Variants in MAPK4 observed in about 807,000 individuals in gnomAD.
MAPK4 encodes the protein Erk3-related.
A neutral mutation model predicts 47.7 loss-of-function variants in MAPK4; 22 were observed. That is an observed-to-expected ratio of 0.46 (90% CI 0.33 to 0.66). The LOEUF (loss-of-function observed/expected upper bound fraction) is 0.66, where lower values mean the gene tolerates loss of function less well. MAPK4 is among the 30% of genes least tolerant of loss of function. The pLI, the probability that MAPK4 is intolerant of heterozygous loss-of-function variation, is 0.02. For synonymous variants in MAPK4, 390 were observed against 365.7 expected (o/e 1.07, Z -0.76); for missense variants, 736 against 831.7 (o/e 0.88, Z 1.42).
intron 2 of MAPK4, among the ~76,000 whole-genome samples, chr18:50,670,907 G>C (rs1184064139): frequency 6.6e-6 from 1 of 152,190 alleles, no homozygotes; most frequent in Non-Finnish European, 1.5e-5. Context: ...CCAGCAATCT[G>C]TGTTTTCACA....
intron 4 of MAPK4, among the ~76,000 whole-genome samples, chr18:50,724,439 C>A (rs148238146): frequency 1.3e-4 from 20 of 152,294 alleles, no homozygotes; most frequent in Middle Eastern, 3.4e-3. Flanking sequence ...CAAGTCATGG[C>A]TGGGGCCAAA....
intron 2 of MAPK4, among the ~76,000 whole-genome samples, chr18:50,693,519 A>G (rs1323754097): frequency 6.6e-6 from 1 of 152,152 alleles, no homozygotes; most frequent in Non-Finnish European, 1.5e-5. Flanking sequence ...CTCTTTAGAG[A>G]GGTTTCTTCC....
rs550697729 is a variant in MAPK4 at position 50,728,118 on chromosome 18, G to C, written c.1068-1040G>C. Among the ~76,000 whole-genome samples, 9 of 152,312 alleles carry C rather than the reference G, an allele frequency of 5.9e-5. No individual in the cohort carries two copies. In the South Asian group the frequency reaches 1.9e-3, roughly 32 times the overall value. Reference sequence around the variant, plus strand: ...GCTGCCAGGTCTATCCCACACAGCCGAATCTGCCTCTCCTTGGTCTATCTG... The same window carrying C: ...GCTGCCAGGTCTATCCCACACAGCCCAATCTGCCTCTCCTTGGTCTATCTG... On this transcript the variant is annotated intron_variant, in intron 5 of 5. Transcript: ENST00000400384.
chr18:50,563,923 T>G (rs2042176348), intron 1 of MAPK4, among the ~76,000 whole-genome samples: 1 of 152,162 alleles, frequency 6.6e-6, no homozygotes, highest in African/African-American at 2.4e-5. Context: ...TCTTTGCACT[T>G]TAAGCCTCAT....
At chr18:50,603,708 G>C (rs2042560206) in intron 1 of MAPK4, among the ~76,000 whole-genome samples, 3 of 152,092 alleles carry the variant, frequency 2.0e-5, no homozygotes, top group South Asian at 4.2e-4. Flanking sequence ...GTAAGCACTT[G>C]TTAAGTATTC....
intron 1 of MAPK4, among the ~76,000 whole-genome samples, chr18:50,596,710 G>T (rs1027630573): frequency 6.6e-6 from 1 of 152,198 alleles, no homozygotes; most frequent in South Asian, 2.1e-4. Context: ...GGGAAGCACT[G>T]CTTGGTAGCA....
intron 2 of MAPK4, among the ~76,000 whole-genome samples, chr18:50,695,421 G>A (rs761316916): frequency 1.3e-5 from 2 of 151,230 alleles, no homozygotes; most frequent in Admixed American, 6.6e-5. Flanking sequence ...AGTGTGAAGC[G>A]AGTGATACCG....
intron 2 of MAPK4, among the ~76,000 whole-genome samples, chr18:50,672,555 C>T (rs1010047449): frequency 6.6e-6 from 1 of 152,110 alleles, no homozygotes; most frequent in East Asian, 1.9e-4. Flanking sequence ...AGAAGAGGCT[C>T]TTCCCTCTGT....
chr18:50,693,058 C>G (rs1055765800), intron 2 of MAPK4, among the ~76,000 whole-genome samples: 5 of 152,058 alleles, frequency 3.3e-5, no homozygotes, highest in African/African-American at 4.8e-5. Flanking sequence ...GAGTTCGAAA[C>G]CAGCCTGGCC....
At chr18:50,578,085 C>T (rs2042313469) in intron 1 of MAPK4, among the ~76,000 whole-genome samples, 1 of 152,224 alleles carries the variant, frequency 6.6e-6, no homozygotes, top group Non-Finnish European at 1.5e-5. Context: ...GCACAGACTG[C>T]ATGTGTTGCC....
Position 50,707,569 on chromosome 18 carries a change from C to CAA in MAPK4, c.547-7488_547-7487dup, listed in dbSNP as rs11419022. On this transcript the variant is annotated intron_variant, in intron 2 of 5. Transcript: ENST00000400384. The stretch of plus-strand genomic sequence containing the variant: ...CTGGTGACAGAGTGAGCCTCTGTCT[C>CAA]AAAAAAAAAAAAAAAAAAAAAAAGT... Among the ~76,000 whole-genome samples the CAA allele has an allele frequency of 6.2e-3, 449 of 71,958 alleles. 1 individual carries two copies. The highest frequency in any genetic ancestry group is 8.3e-3 in the Non-Finnish European group (333 of 39,934). The allele number at this position is 71,958 out of a possible 152,430, so 47.2% of individuals were successfully genotyped here. A position where few individuals can be genotyped will look rare whatever the true frequency, so the allele number is the denominator to read the frequency against.
Position 50,663,763 on chromosome 18 carries a change from GCAC to G in MAPK4, c.-195_-193del. ...AGACGACAGCCTGCGCCCCCAACTA[GCAC>G]AGCTCAGCGAGCATGACCATATGCC... On this transcript the variant is annotated 5_prime_UTR_variant, in exon 2 of 6. Coordinates refer to ENST00000400384, the MANE Select transcript of MAPK4 (RefSeq NM_002747.4). 11 of 547,396 alleles carry G rather than the reference GCAC, an allele frequency of 2.0e-5. No individual in the cohort carries two copies. Among genetic ancestry groups the G allele is most frequent in the Admixed American group, 9.5e-5 (3 of 31,640 alleles). The allele number at this position is 547,396 out of a possible 1,614,324, so 33.9% of individuals were successfully genotyped here.
At chr18:50,560,468 G>C (rs934929581) in intron 1 of MAPK4, among the ~76,000 whole-genome samples, 1 of 152,136 alleles carries the variant, frequency 6.6e-6, no homozygotes, top group Non-Finnish European at 1.5e-5. Flanking sequence ...TGAGCTCCTC[G>C]CCTGCAGACC....
chr18:50,574,417 G>T (rs2042277283), intron 1 of MAPK4, among the ~76,000 whole-genome samples: 2 of 152,336 alleles, frequency 1.3e-5, no homozygotes, highest in South Asian at 4.1e-4. Context: ...TGAGTTGGAA[G>T]AAAATCATCG....
intron 1 of MAPK4, among the ~76,000 whole-genome samples, chr18:50,619,144 C>T (rs1401784261): frequency 1.3e-5 from 2 of 152,162 alleles, no homozygotes; most frequent in African/African-American, 4.8e-5. Context: ...CATGTGCCAA[C>T]CAGAGATTCC....
intron 1 of MAPK4, among the ~76,000 whole-genome samples, chr18:50,584,761 A>T (rs1344935867): frequency 6.6e-6 from 1 of 152,262 alleles, no homozygotes; most frequent in Non-Finnish European, 1.5e-5. Flanking sequence ...GAAGGAGTTC[A>T]TTTAATTCAG....
chr18:50,690,085 C>T (rs1472912449), intron 2 of MAPK4, among the ~76,000 whole-genome samples: 4 of 152,142 alleles, frequency 2.6e-5, no homozygotes, highest in African/African-American at 4.8e-5. Flanking sequence ...TTCCCTCTCA[C>T]CTGAGCTAGA....
intron 2 of MAPK4, among the ~76,000 whole-genome samples, chr18:50,701,219 A>G (rs1598929207): frequency 9.3e-6 from 1 of 108,062 alleles, no homozygotes; most frequent in South Asian, 2.7e-4. Flanking sequence ...TCTTTTGCCC[A>G]GCTTACTCTG....
intron 1 of MAPK4, among the ~76,000 whole-genome samples, chr18:50,614,762 T>A (rs988257870): frequency 6.6e-6 from 1 of 152,368 alleles, no homozygotes; most frequent in East Asian, 1.9e-4. Context: ...AACTTTCATA[T>A]GTAACTCTTG....
Sources: allele counts gnomAD v4.1 joint callset (sites outside exome capture counted in the v4.1 genomes callset), GRCh38; gene constraint gnomAD v4.1.1; transcripts MANE v1.5; gene names NCBI Gene and HGNC (gene_info 2026-07-23, HGNC 2026-07-21).